TAFA5: variants seen among roughly 807,000 people sequenced by gnomAD.
TAFA5 encodes the protein TAFA chemokine like family member 5.
Under a neutral mutation model 15.3 loss-of-function variants are expected in TAFA5, and 6 were observed. The ratio of observed to expected loss-of-function variants is 0.39; its 90% CI spans 0.21 to 0.77. The LOEUF (loss-of-function observed/expected upper bound fraction) is 0.77. TAFA5 is among the 30% of genes least tolerant of loss of function. The pLI is 0.41. For synonymous variants in TAFA5, 103 were observed against 80.7 expected (o/e 1.28, Z -1.48); for missense variants, 161 against 193.1 (o/e 0.83, Z 0.98).
intron 1 of TAFA5, among the ~76,000 whole-genome samples, chr22:48,492,134 C>T (rs1928176381): frequency 6.6e-6 from 1 of 151,158 alleles, no homozygotes; most frequent in Non-Finnish European, 1.5e-5. Context: ...AAATCCCCCC[C>T]CCTTTTTTCA....
At chr22:48,643,551 G>A (rs1926758920) in intron 1 of TAFA5, among the ~76,000 whole-genome samples, 1 of 152,216 alleles carries the variant, frequency 6.6e-6, no homozygotes, top group African/African-American at 2.4e-5. Context: ...GTCCAGCTAG[G>A]AGGGACAACA....
At chr22:48,651,054 G>C (rs908890829) in intron 2 of TAFA5, among the ~76,000 whole-genome samples, 1 of 152,250 alleles carries the variant, frequency 6.6e-6, no homozygotes, top group Non-Finnish European at 1.5e-5. Context: ...TGGCCAGCCC[G>C]CCTCGCTGAA....
At chr22:48,597,880 C>T (rs1042199789) in intron 1 of TAFA5, among the ~76,000 whole-genome samples, 7 of 152,198 alleles carry the variant, frequency 4.6e-5, no homozygotes, top group African/African-American at 7.2e-5. Flanking sequence ...AAGGGACAGT[C>T]GGGTTGGACC....
At chr22:48,720,323 G>A (rs1415530917) in intron 3 of TAFA5, among the ~76,000 whole-genome samples, 1 of 152,118 alleles carries the variant, frequency 6.6e-6, no homozygotes, top group Non-Finnish European at 1.5e-5. Context: ...CCATCCCTCT[G>A]ACACTGTTTT....
At chr22:48,709,349 C>T (rs1929180399) in intron 3 of TAFA5, among the ~76,000 whole-genome samples, 1 of 152,200 alleles carries the variant, frequency 6.6e-6, no homozygotes, top group African/African-American at 2.4e-5. Flanking sequence ...AGTGCTCTAC[C>T]ATGTCCTTAC....
At chr22:48,576,580 C>T in intron 1 of TAFA5, 1 of 1,454,548 alleles carries the variant, frequency 6.9e-7, no homozygotes, top group Non-Finnish European at 9.2e-7. Context: ...AGGTAATTGT[C>T]CCCGGGCGCG....
chr22:48,619,051 C>T (rs1215887152), intron 1 of TAFA5, among the ~76,000 whole-genome samples: 8 of 152,242 alleles, frequency 5.3e-5, no homozygotes, highest in African/African-American at 7.2e-5. Context: ...TGGATAAACA[C>T]GTCAGCTGTT....
At chr22:48,590,524 G>A (rs939292432) in intron 1 of TAFA5, among the ~76,000 whole-genome samples, 4 of 152,166 alleles carry the variant, frequency 2.6e-5, no homozygotes, top group African/African-American at 9.7e-5. Flanking sequence ...CCCAAGCCCG[G>A]GAGACACTGT....
intron 1 of TAFA5, among the ~76,000 whole-genome samples, chr22:48,607,223 G>A (rs1925223186): frequency 6.6e-6 from 1 of 150,966 alleles, no homozygotes; most frequent in Non-Finnish European, 1.5e-5. Context: ...TCAGCCTGGA[G>A]CAGGTCTGTC....
At chr22:48,724,244 A>G (rs1929653118) in intron 3 of TAFA5, among the ~76,000 whole-genome samples, 12 of 152,238 alleles carry the variant, frequency 7.9e-5, no homozygotes, top group Admixed American at 7.8e-4. Flanking sequence ...GCATCTCTCA[A>G]AAGCTTTGTT....
At chr22:48,545,157 C>G (rs1029934752) in intron 1 of TAFA5, 5 of 334,774 alleles carry the variant, frequency 1.5e-5, no homozygotes, top group Non-Finnish European at 3.0e-5. Flanking sequence ...GTGGGAGACA[C>G]TATTCTCTCT....
In TAFA5 at chr22:48,750,745, A is replaced by G. The variant is rs1203424493; in HGVS notation, c.*898A>G. The G allele has an allele frequency of 6.5e-6, 1 of 152,936 alleles. No individual in the cohort carries two copies. Among genetic ancestry groups the G allele is most frequent in the Non-Finnish European group, 1.5e-5 (1 of 68,126 alleles). 9.5% of individuals were successfully genotyped at this position (152,936 alleles called of 1,614,324 possible). A position where few individuals can be genotyped will look rare whatever the true frequency, so the allele number is the denominator to read the frequency against. On this transcript the variant is annotated 3_prime_UTR_variant, in exon 4 of 4. Transcript: ENST00000402357. ...GTGACTGCTGCCTCATCGATACCCC[A>G]TTTAGCTCCAGAAAGCAAAGAAAAC...
chr22:48,609,593 C>T (rs933111979), intron 1 of TAFA5, among the ~76,000 whole-genome samples: 17 of 152,294 alleles, frequency 1.1e-4, no homozygotes, highest in Admixed American at 7.2e-4. Context: ...GGGCCGCCCC[C>T]GTTTCTCCTG....
In TAFA5 at chr22:48,540,399, C is replaced by G. The variant is rs528512009; in HGVS notation, c.112+50695C>G. ...ACCCCCAGAGAATCCCTCTCCGAGGCCACTTGTGCCCAGAACTGACACCCG... is the reference window on the plus strand; with the variant it reads ...ACCCCCAGAGAATCCCTCTCCGAGGGCACTTGTGCCCAGAACTGACACCCG... On this transcript the variant is annotated intron_variant, in intron 1 of 3. Coordinates refer to ENST00000402357, the MANE Select transcript of TAFA5 (RefSeq NM_001082967.3). Among the ~76,000 whole-genome samples, 311 of 152,226 alleles carry G rather than the reference C, an allele frequency of 2.0e-3. 5 individuals are homozygous for G. The highest frequency in any genetic ancestry group is 1.0e-3 in the Non-Finnish European group (71 of 68,006).
chr22:48,605,509 G>A (rs977405409), intron 1 of TAFA5, among the ~76,000 whole-genome samples: 8 of 152,038 alleles, frequency 5.3e-5, no homozygotes, highest in Non-Finnish European at 1.0e-4. Context: ...TAATGGCAAC[G>A]ATGGTTGTGG....
chr22:48,736,555 G>A (rs1001854789), intron 3 of TAFA5, among the ~76,000 whole-genome samples: 3 of 152,200 alleles, frequency 2.0e-5, no homozygotes, highest in East Asian at 1.9e-4. Context: ...TAGCAGCACC[G>A]TTCCCAACAG....
intron 2 of TAFA5, among the ~76,000 whole-genome samples, chr22:48,668,377 C>T (rs1601657430): frequency 3.0e-5 from 1 of 33,324 alleles, no homozygotes; most frequent in Admixed American, 3.7e-4. Context: ...AGGGCCGCGT[C>T]TTCACTGGGA....
chr22:48,593,666 C>T (rs771116395), intron 1 of TAFA5, among the ~76,000 whole-genome samples: 17 of 152,176 alleles, frequency 1.1e-4, no homozygotes, highest in Non-Finnish European at 1.5e-4. Flanking sequence ...GCCTTCTCAC[C>T]GCGCGCTCGG....
chr22:48,507,571 A>G (rs1241041037), intron 1 of TAFA5, among the ~76,000 whole-genome samples: 1 of 152,150 alleles, frequency 6.6e-6, no homozygotes, highest in African/African-American at 2.4e-5. Context: ...GCCTCCCCAG[A>G]GTTGCTTCCG....
Sources: allele counts gnomAD v4.1 joint callset (sites outside exome capture counted in the v4.1 genomes callset), GRCh38; gene constraint gnomAD v4.1.1; transcripts MANE v1.5; gene names NCBI Gene and HGNC (gene_info 2026-07-23, HGNC 2026-07-21).